CCDC3: variants seen among roughly 807,000 people sequenced by gnomAD.
The protein encoded by CCDC3 is coiled-coil domain-containing protein 3.
CCDC3 carries 24 observed loss-of-function variants against 21.4 expected under a neutral mutation model. That is an observed-to-expected ratio of 1.12 (90% CI 0.81 to 1.58). The LOEUF (loss-of-function observed/expected upper bound fraction) is 1.58, where lower values mean the gene tolerates loss of function less well. Among genes scored for constraint, CCDC3 ranks in the 40% most tolerant of loss-of-function variants. CCDC3 has a pLI of 0.00. For synonymous variants in CCDC3, 186 were observed against 166.0 expected (o/e 1.12, Z -0.93); for missense variants, 425 against 360.9 (o/e 1.18, Z -1.44).
At chr10:13,021,235 C>A (rs1379060065) in intron 5 of CCDC3, among the ~76,000 whole-genome samples, 2 of 152,204 alleles carry the variant, frequency 1.3e-5, no homozygotes, top group East Asian at 1.9e-4. Flanking sequence ...ACTTCTGGGG[C>A]AACTTTTAAA....
At position 12,997,282 on chromosome 10, in the gene CCDC3, A is replaced by G. The variant is rs145589491; in HGVS notation, c.549+1056T>C. Among the ~76,000 whole-genome samples the G allele has an allele frequency of 4.1e-3, 623 of 151,736 alleles. 4 individuals are homozygous for G. Among genetic ancestry groups the G allele is most frequent in the African/African-American group, 0.014 (582 of 41,364 alleles). On this transcript the variant is annotated intron_variant, in intron 2 of 2. Coordinates refer to ENST00000378825, the MANE Select transcript of CCDC3 (RefSeq NM_031455.4). The stretch of plus-strand genomic sequence containing the variant: ...AGTCCTTATTCCATGTGATACCCAC[A>G]TCAGAACTCTCTCTCCAGCAGTGTG...
chr10:13,046,529 C>G (rs1469039129), intron 5 of CCDC3, among the ~76,000 whole-genome samples: 3 of 137,388 alleles, frequency 2.2e-5, no homozygotes, highest in Non-Finnish European at 4.7e-5. Flanking sequence ...GTGGTGAAAC[C>G]CCATCTCTAC....
intron 2 of CCDC3, among the ~76,000 whole-genome samples, chr10:12,986,557 A>G (rs185025280): frequency 6.0e-4 from 92 of 152,286 alleles, no homozygotes; most frequent in Middle Eastern, 6.8e-3. Flanking sequence ...GGCGGATCAC[A>G]AGGTCAGGAG....
intron 5 of CCDC3, among the ~76,000 whole-genome samples, chr10:13,037,201 C>T (rs1836388938): frequency 6.6e-6 from 1 of 152,130 alleles, no homozygotes; most frequent in Admixed American, 6.6e-5. Context: ...CGTACAAGCC[C>T]TCAGCTTTAA....
At chr10:13,093,195 T>G (rs926302254) in intron 3 of CCDC3, among the ~76,000 whole-genome samples, 4 of 152,132 alleles carry the variant, frequency 2.6e-5, no homozygotes, top group East Asian at 1.9e-4. Context: ...GACTCACAGT[T>G]CCACGTGGCT....
rs779719549 is a variant in CCDC3, at chr10:13,001,303, T to C, written c.268A>G (p.Met90Val). The change falls in exon 1 of 3, where the codon ATG (methionine) becomes GTG (valine). Residue 90 changes from methionine to valine, a missense_variant. Met to Val is a conservative substitution (Grantham distance 21, BLOSUM62 1). Coordinates refer to ENST00000378825, the MANE Select transcript of CCDC3 (RefSeq NM_031455.4). Reference protein sequence around the residue: ...EMLCDQAWGSMLEVPAGSRLN... With the variant: ...EMLCDQAWGSVLEVPAGSRLN... ...CTGGAGCCGGCGGGCACCTCCAGCATGCTGCCCCACGCCTGGTCGCACAGC... is the reference window on the plus strand; with the variant it reads ...CTGGAGCCGGCGGGCACCTCCAGCACGCTGCCCCACGCCTGGTCGCACAGC... 16 of 1,606,350 alleles carry C rather than the reference T, an allele frequency of 1.0e-5. No homozygotes were observed. The South Asian group carries it at 1.8e-4, about 18-fold the overall frequency.
chr10:13,051,951 G>A lies in CCDC3; in HGVS notation c.-269-2010C>T, dbSNP rs777850744. Among the ~76,000 whole-genome samples the A allele has an allele frequency of 2.0e-5, 3 of 152,140 alleles. No homozygotes were observed. The East Asian group carries it at 5.8e-4, about 29-fold the overall frequency. ...ATGCTATGGCACTAGGGATGACAGAGGACTCCTCTCCTGGGTTCCTTCTGC... is the reference window on the plus strand; with the variant it reads ...ATGCTATGGCACTAGGGATGACAGAAGACTCCTCTCCTGGGTTCCTTCTGC... On this transcript the variant is annotated intron_variant, in intron 4 of 6. Coordinates refer to the CCDC3 transcript ENST00000378839.
At chr10:13,042,660 G>C (rs1836473742) in intron 5 of CCDC3, among the ~76,000 whole-genome samples, 1 of 151,316 alleles carries the variant, frequency 6.6e-6, no homozygotes. Flanking sequence ...TGTAATCTCA[G>C]CACTTTGGGA....
intron 2 of CCDC3, among the ~76,000 whole-genome samples, chr10:12,922,320 T>C (rs945784874): frequency 6.6e-6 from 1 of 151,910 alleles, no homozygotes; most frequent in Non-Finnish European, 1.5e-5. Flanking sequence ...GGAGCTCCCA[T>C]CTGTGCCAGT....
chr10:13,079,135 G>T (rs1432235120), intron 3 of CCDC3, among the ~76,000 whole-genome samples: 1 of 152,158 alleles, frequency 6.6e-6, no homozygotes, highest in African/African-American at 2.4e-5. Context: ...TTGTCTAAAT[G>T]CTGATTTTTC....
At chr10:12,923,162 G>C (rs1277239872) in intron 2 of CCDC3, among the ~76,000 whole-genome samples, 2 of 152,142 alleles carry the variant, frequency 1.3e-5, no homozygotes, top group African/African-American at 4.8e-5. Context: ...CCACCATCTG[G>C]AAGTTTAATC....
intron 5 of CCDC3, among the ~76,000 whole-genome samples, chr10:13,031,593 C>CATT (rs1322357657): frequency 6.6e-6 from 1 of 151,814 alleles, no homozygotes; most frequent in Non-Finnish European, 1.5e-5. Context: ...ATAGATAGAC[C>CATT]ATTAGCAAGA....
chr10:12,933,454 C>CTTTTTTTTT (rs545950029), intron 2 of CCDC3, among the ~76,000 whole-genome samples: 4 of 115,830 alleles, frequency 3.5e-5, no homozygotes, highest in Non-Finnish European at 3.4e-5. Context: ...ATAATATTCC[C>CTTTTTTTTT]TTTATTTTTT....
chr10:13,045,140 A>G (rs1468457268), intron 5 of CCDC3, among the ~76,000 whole-genome samples: 1 of 152,200 alleles, frequency 6.6e-6, no homozygotes, highest in African/African-American at 2.4e-5. Context: ...CCTACATTAT[A>G]TTATGTTAAT....
intron 2 of CCDC3, among the ~76,000 whole-genome samples, chr10:12,943,395 TAGTG>T (rs1351918194): frequency 1.3e-5 from 2 of 152,184 alleles, no homozygotes; most frequent in African/African-American, 4.8e-5. Flanking sequence ...TTTAGGCAGT[TAGTG>T]AGGGTATGAG....
chr10:13,005,016 T>G (rs565384305), upstream of CCDC3, among the ~76,000 whole-genome samples: 1 of 152,150 alleles, frequency 6.6e-6, no homozygotes, highest in African/African-American at 2.4e-5. Flanking sequence ...AATCTTCTGA[T>G]CCTATTTCTT....
At chr10:12,941,617 G>A (rs142031805) in intron 2 of CCDC3, among the ~76,000 whole-genome samples, 2,221 of 152,282 alleles carry the variant, frequency 0.015, 30 homozygotes, top group Admixed American at 0.03. Flanking sequence ...ACCAAGAAAA[G>A]ATTAAGATGA....
At position 12,898,326 on chromosome 10, in the gene CCDC3, C is replaced by G. The variant is rs925125628; in HGVS notation, c.*90G>C. On this transcript the variant is annotated 3_prime_UTR_variant, in exon 3 of 3. Coordinates refer to ENST00000378825, the MANE Select transcript of CCDC3 (RefSeq NM_031455.4). The stretch of plus-strand genomic sequence containing the variant: ...GCGTGATTAAAAACAAAAACTCTTA[C>G]AACCCTTGAAATAGCTGCATGTACG... 2.2e-6 allele frequency: 3 copies of G among 1,346,416 alleles called. No homozygotes were observed. Among genetic ancestry groups the G allele is most frequent in the African/African-American group, 2.9e-5 (2 of 68,312 alleles). The allele number at this position is 1,346,416 out of a possible 1,614,324, so 83.4% of individuals were successfully genotyped here.
intron 2 of CCDC3, among the ~76,000 whole-genome samples, chr10:12,948,170 C>T (rs1834947382): frequency 6.6e-6 from 1 of 152,146 alleles, no homozygotes; most frequent in South Asian, 2.1e-4. Context: ...TTATAAAGGG[C>T]AGTTCCCCTG....
Sources: allele counts gnomAD v4.1 joint callset (sites outside exome capture counted in the v4.1 genomes callset), GRCh38; gene constraint gnomAD v4.1.1; transcripts MANE v1.5; gene names NCBI Gene and HGNC (gene_info 2026-07-23, HGNC 2026-07-21).